Variants in SIN3A observed in about 807,000 individuals in gnomAD.
SIN3A encodes the protein SIN3 transcription regulator family member A.
A neutral mutation model predicts 146.1 loss-of-function variants in SIN3A; 14 were observed. The ratio of observed to expected loss-of-function variants is 0.10; its 90% CI spans 0.06 to 0.15. The LOEUF is 0.15. Among genes scored for constraint, SIN3A ranks in the 10% least tolerant of loss-of-function variants. The probability of loss-of-function intolerance (pLI) is 1.00; values close to 1 mark genes in which losing one functional copy is unlikely to be tolerated. For synonymous variants in SIN3A, 572 were observed against 572.0 expected (o/e 1.00, Z 0.00); for missense variants, 1,028 against 1,576.0 (o/e 0.65, Z 5.89).
chr15:75,402,017 T>C (rs537580561), intron 9 of SIN3A, 47 bp from the exon 10 acceptor site: 2 of 1,274,860 alleles, frequency 1.6e-6, no homozygotes, highest in Middle Eastern at 1.9e-4. Flanking sequence ...TTTCTTAAAG[T>C]GGGGAACTGA....
At chr15:75,432,669 G>A (rs1000440782) in intron 1 of SIN3A, among the ~76,000 whole-genome samples, 1 of 127,084 alleles carries the variant, frequency 7.9e-6, no homozygotes, top group East Asian at 2.3e-4. Flanking sequence ...CTGGGCAACA[G>A]ACTGAGACTC....
At chr15:75,422,229 T>TA (rs938766894) in intron 3 of SIN3A, 1,373 of 245,302 alleles carry the variant, frequency 5.6e-3, no homozygotes, top group Middle Eastern at 0.013. Flanking sequence ...AACTAAAAAC[T>TA]AAAAAAAAAA....
At chr15:75,447,798 G>A (rs569113529) in intron 1 of SIN3A, 61 of 152,102 alleles carry the variant, frequency 4.0e-4, no homozygotes, top group African/African-American at 1.3e-3. Context: ...GAGAAATATG[G>A]GTAACATACA....
intron 16 of SIN3A, among the ~76,000 whole-genome samples, chr15:75,387,164 A>T: frequency 6.6e-6 from 1 of 152,162 alleles, no homozygotes; most frequent in East Asian, 1.9e-4. Flanking sequence ...GGGAACACCA[A>T]ATATGAGGAG....
At chr15:75,375,933 C>G in intron 19 of SIN3A, 61 bp from the exon 20 acceptor site, 1 of 1,535,090 alleles carries the variant, frequency 6.5e-7, no homozygotes, top group Non-Finnish European at 9.0e-7. Flanking sequence ...CGTGACTTCC[C>G]CAAAGTGAGT....
At chr15:75,421,754 G>A (rs1327613123) in intron 3 of SIN3A, 2 of 152,028 alleles carry the variant, frequency 1.3e-5, no homozygotes, top group African/African-American at 2.4e-5. Context: ...TTATATAAAC[G>A]TAAAATTAGA....
chr15:75,438,653 C>T (rs2074147594), intron 1 of SIN3A, among the ~76,000 whole-genome samples: 1 of 152,104 alleles, frequency 6.6e-6, no homozygotes, highest in Non-Finnish European at 1.5e-5. Context: ...TATGCCACTG[C>T]ACTCCAGCAT....
chr15:75,430,515 T>C, intron 1 of SIN3A, 107 bp from the exon 2 acceptor site: 1 of 750,638 alleles, frequency 1.3e-6, no homozygotes, highest in Non-Finnish European at 2.0e-6. Flanking sequence ...CTCCCAGAAC[T>C]GATCATCTAT....
intron 3 of SIN3A, among the ~76,000 whole-genome samples, chr15:75,417,412 G>T (rs1262969044): frequency 2.2e-4 from 31 of 139,848 alleles, no homozygotes; most frequent in African/African-American, 8.2e-4. Context: ...GTCTCATTTT[G>T]TCTCCCAGGC....
intron 19 of SIN3A, among the ~76,000 whole-genome samples, chr15:75,376,694 C>CAA (rs34480581): frequency 2.1e-5 from 3 of 141,750 alleles, no homozygotes; most frequent in Admixed American, 7.2e-5. Context: ...CCCTTCTCTA[C>CAA]AAAAAAAAAA....
chr15:75,404,484 G>A (rs1193850701), intron 9 of SIN3A, among the ~76,000 whole-genome samples: 1 of 152,174 alleles, frequency 6.6e-6, no homozygotes, highest in Non-Finnish European at 1.5e-5. Context: ...TACAGGACTG[G>A]GTGCAGTGGC....
intron 17 of SIN3A, among the ~76,000 whole-genome samples, chr15:75,382,327 A>G (rs1259116859): frequency 1.3e-5 from 2 of 152,220 alleles, no homozygotes; most frequent in African/African-American, 4.8e-5. Context: ...ATAACATAAT[A>G]TATACACACA....
At position 75,392,531 on chromosome 15, in the gene SIN3A, G is replaced by A; in HGVS notation, c.2562C>T (p.His854=). 6.2e-7 allele frequency: 1 copy of A among 1,614,100 alleles called. No homozygotes were observed. Among genetic ancestry groups the A allele is most frequent in the Non-Finnish European group, 8.5e-7 (1 of 1,180,038 alleles). Residue 854 remains histidine (H), a synonymous_variant, in exon 15 of 21, where the codon CAC becomes CAT. Transcript: ENST00000394947. ...VDEATGAVKK[H]NGVGGSPPKS... ...TAGGGGGACTGCCCCCAACACCATTGTGCTTCTTAACTGCCCCTGTGGCTT... is the reference window on the plus strand; with the variant it reads ...TAGGGGGACTGCCCCCAACACCATTATGCTTCTTAACTGCCCCTGTGGCTT...
At chr15:75,448,566 A>T (rs1204053106) in intron 1 of SIN3A, among the ~76,000 whole-genome samples, 1 of 151,900 alleles carries the variant, frequency 6.6e-6, no homozygotes, top group Non-Finnish European at 1.5e-5. Flanking sequence ...ATCAGCTTTT[A>T]TTTTTCAAGG....
chr15:75,412,896 A>G lies in SIN3A; in HGVS notation c.623T>C (p.Val208Ala). 1 of 1,613,720 alleles carries G rather than the reference A, an allele frequency of 6.2e-7. No homozygotes were observed. The highest frequency in any genetic ancestry group is 8.5e-7 in the Non-Finnish European group (1 of 1,179,908). ...DMVNVTTPGQ[V>A]HQIPTHGIQP... Reference sequence around the variant, plus strand: ...GATGCCATGGGTGGGAATCTGATGAACCTGGCCAGGAGTTGTCACATTCAC... The same window carrying G: ...GATGCCATGGGTGGGAATCTGATGAGCCTGGCCAGGAGTTGTCACATTCAC... Residue 208 changes from valine (V) to alanine (A), a missense_variant, in exon 5 of 21, where the codon GTT becomes GCT. Around this residue, in one of 9 missense-constraint regions of SIN3A, gnomAD observed 112 missense variants for 135.7 expected, o/e 0.83. Coordinates refer to ENST00000394947, the MANE Select transcript of SIN3A (RefSeq NM_001145358.2).
rs1187661704 is a variant in SIN3A at position 75,410,325 on chromosome 15, T to TC, written c.1009-40_1009-39insG. On this transcript the variant is annotated intron_variant, in intron 6 of 20. Coordinates refer to ENST00000394947, the MANE Select transcript of SIN3A (RefSeq NM_001145358.2). ...AATGAAAAGAGATCATTTGGGCTAC[T>TC]GTTTTGAGTCACTCATCTTTGCACG... 3 of 1,596,276 alleles carry TC rather than the reference T, an allele frequency of 1.9e-6. No homozygotes were observed. The Admixed American group carries it at 5.3e-5, about 28-fold the overall frequency.
At chr15:75,428,668 C>A (rs931612988) in intron 2 of SIN3A, among the ~76,000 whole-genome samples, 7 of 152,028 alleles carry the variant, frequency 4.6e-5, no homozygotes, top group African/African-American at 1.7e-4. Context: ...CCCTGCTAAT[C>A]TTTATTTTTA....
intron 16 of SIN3A, among the ~76,000 whole-genome samples, chr15:75,387,786 G>A (rs969112686): frequency 1.3e-5 from 2 of 152,060 alleles, no homozygotes; most frequent in Middle Eastern, 3.2e-3. Flanking sequence ...CATAAGCACA[G>A]GGTAACTGGA....
chr15:75,438,182 G>A (rs958842807), intron 1 of SIN3A, among the ~76,000 whole-genome samples: 7 of 152,090 alleles, frequency 4.6e-5, no homozygotes, highest in Non-Finnish European at 5.9e-5. Context: ...CCAACATGGC[G>A]AAACTCTGTC....
Sources: gnomAD v4.1 joint callset for allele counts (sites outside exome capture counted in the v4.1 genomes callset) on GRCh38, gnomAD v4.1.1 for gene constraint, gnomAD v4.1.1 regional missense constraint, MANE v1.5 for transcripts, NCBI Gene and HGNC (gene_info 2026-07-23, HGNC 2026-07-21) for gene names.